Variants in ADGRB3 observed in about 807,000 individuals in gnomAD.
ADGRB3 encodes the protein adhesion G protein-coupled receptor B3.
ADGRB3 carries 37 observed loss-of-function variants against 193.4 expected under a neutral mutation model. That is an observed-to-expected ratio of 0.19 (90% CI 0.15 to 0.25). The LOEUF is 0.25. ADGRB3 is among the 10% of genes least tolerant of loss of function. ADGRB3 has a pLI of 1.00. For missense variants in ADGRB3, 1,637 were observed against 1,852.9 expected, an observed-to-expected ratio of 0.88 and a Z score of 2.14; for synonymous variants, 690 against 644.2, an observed-to-expected ratio of 1.07 and a Z score of -1.08.
chr6:69,094,227 G>C (rs985023713), intron 17 of ADGRB3, among the ~76,000 whole-genome samples: 2 of 152,164 alleles, frequency 1.3e-5, no homozygotes, highest in African/African-American at 4.8e-5. Context: ...CAGAGGGTCT[G>C]TACAACACCT....
chr6:68,765,710 A>G (rs1766496565), intron 3 of ADGRB3, among the ~76,000 whole-genome samples: 1 of 152,060 alleles, frequency 6.6e-6, no homozygotes, highest in Non-Finnish European at 1.5e-5. Flanking sequence ...CCCATGTGAT[A>G]CTATGCCTAG....
intron 21 of ADGRB3, among the ~76,000 whole-genome samples, chr6:69,326,854 TGAG>T (rs1768583977): frequency 6.6e-6 from 1 of 151,574 alleles, no homozygotes; most frequent in Non-Finnish European, 1.5e-5. Context: ...AGGATAAGGA[TGAG>T]GAGGGGACTA....
At chr6:69,336,788 C>T (rs1419201072) in intron 24 of ADGRB3, among the ~76,000 whole-genome samples, 1 of 151,974 alleles carries the variant, frequency 6.6e-6, no homozygotes, top group Non-Finnish European at 1.5e-5. Flanking sequence ...TTTTTCAATG[C>T]AGCAACTCAA....
chr6:69,106,974 A>C (rs1007341158), intron 17 of ADGRB3, among the ~76,000 whole-genome samples: 2 of 152,220 alleles, frequency 1.3e-5, no homozygotes, highest in Non-Finnish European at 2.9e-5. Flanking sequence ...CCGTTAGTTC[A>C]CTTGAATATA....
chr6:68,912,354 T>C, intron 3 of ADGRB3, among the ~76,000 whole-genome samples: 1 of 150,010 alleles, frequency 6.7e-6, no homozygotes, highest in South Asian at 2.1e-4. Flanking sequence ...TTTATTATTT[T>C]ATTTTATTTT....
intron 15 of ADGRB3, among the ~76,000 whole-genome samples, chr6:69,052,048 G>T (rs9363980): frequency 0.097 from 14,682 of 152,058 alleles, 1,613 homozygotes; most frequent in East Asian, 0.59. Context: ...CCACCACCAC[G>T]CCGGGCTAAT....
At chr6:69,073,381 T>G (rs972555792) in intron 16 of ADGRB3, among the ~76,000 whole-genome samples, 4 of 152,262 alleles carry the variant, frequency 2.6e-5, no homozygotes, top group African/African-American at 9.6e-5. Context: ...GTGCTGGTGA[T>G]GTTGTAGAAC....
rs1244391411 is a variant in ADGRB3, at chr6:69,048,301, C to A, written c.2224C>A (p.Pro742Thr). The part of the protein sequence containing the change: ...ARNSEDRVVI[P>T]KSIFTPVSSK... ...AAACTCAGAAGATAGGGTAGTAATT[C>A]CAAAAAGCATTTTCACTCCGGTGTC... The change falls in exon 14 of 32, where the codon CCA becomes ACA. Residue 742 changes from proline to threonine, a missense_variant. By Grantham distance (38) the Pro-to-Thr change is conservative. This residue lies in a region of ADGRB3 where 641 missense variants were observed against 673.9 expected (regional missense o/e 0.95). Transcript: ENST00000370598. 8 of 1,613,014 alleles carry A rather than the reference C, an allele frequency of 5.0e-6. No homozygotes were observed. Among genetic ancestry groups the A allele is most frequent in the Middle Eastern group, 1.6e-4 (1 of 6,076 alleles).
At chr6:68,708,305 A>G (rs1011630508) in intron 3 of ADGRB3, among the ~76,000 whole-genome samples, 10 of 152,318 alleles carry the variant, frequency 6.6e-5, no homozygotes, top group Admixed American at 2.0e-4. Context: ...AAAGGTTCAA[A>G]ATGTCCAGAA....
chr6:69,368,207 A>G (rs1014568044), intron 29 of ADGRB3, among the ~76,000 whole-genome samples: 4 of 152,164 alleles, frequency 2.6e-5, no homozygotes, highest in African/African-American at 9.6e-5. Context: ...CCGTCCATTC[A>G]TCCATAACTT....
At chr6:68,729,914 G>A (rs941121165) in intron 3 of ADGRB3, among the ~76,000 whole-genome samples, 8 of 151,226 alleles carry the variant, frequency 5.3e-5, no homozygotes, top group African/African-American at 1.9e-4. Flanking sequence ...TATGAGCTCT[G>A]GAGATACAAA....
At chr6:69,149,248 TCTGA>T (rs994821698) in intron 17 of ADGRB3, among the ~76,000 whole-genome samples, 21 of 152,158 alleles carry the variant, frequency 1.4e-4, no homozygotes, top group African/African-American at 4.8e-4. Context: ...TTTTATTTCC[TCTGA>T]CTGTGTATTT....
chr6:69,102,855 G>T (rs188081216), intron 17 of ADGRB3, among the ~76,000 whole-genome samples: 1 of 152,136 alleles, frequency 6.6e-6, no homozygotes, highest in East Asian at 1.9e-4. Flanking sequence ...TTATCACTAT[G>T]CAGCTATTTC....
chr6:69,127,550 G>A (rs762639332), intron 17 of ADGRB3, among the ~76,000 whole-genome samples: 3 of 151,988 alleles, frequency 2.0e-5, no homozygotes, highest in Non-Finnish European at 2.9e-5. Flanking sequence ...TTGACTTTTC[G>A]GTGTCTTGCT....
At chr6:69,154,626 C>A (rs539385035) in intron 17 of ADGRB3, among the ~76,000 whole-genome samples, 1 of 152,148 alleles carries the variant, frequency 6.6e-6, no homozygotes, top group Non-Finnish European at 1.5e-5. Flanking sequence ...CCCAGAGCAC[C>A]CTTTACCTCC....
intron 20 of ADGRB3, among the ~76,000 whole-genome samples, chr6:69,268,829 C>A (rs1459846324): frequency 6.6e-6 from 1 of 152,076 alleles, no homozygotes; most frequent in African/African-American, 2.4e-5. Context: ...GGTCTAGGGG[C>A]AGGACTGGTT....
chr6:69,210,510 T>A (rs1765641812), intron 17 of ADGRB3, among the ~76,000 whole-genome samples: 1 of 152,116 alleles, frequency 6.6e-6, no homozygotes, highest in Non-Finnish European at 1.5e-5. Flanking sequence ...GGATCACTAC[T>A]TTGTATTCTT....
intron 3 of ADGRB3, among the ~76,000 whole-genome samples, chr6:68,736,540 G>T (rs903454626): frequency 2.6e-5 from 4 of 152,128 alleles, no homozygotes; most frequent in African/African-American, 9.6e-5. Context: ...AGGACTTTGA[G>T]AAAAAGATCT....
chr6:69,075,440 A>C (rs945544054), intron 16 of ADGRB3, among the ~76,000 whole-genome samples: 2 of 152,212 alleles, frequency 1.3e-5, no homozygotes, highest in Non-Finnish European at 2.9e-5. Context: ...TAGCATTTTC[A>C]CTTAAAATTT....
Sources: gnomAD v4.1 joint callset for allele counts (sites outside exome capture counted in the v4.1 genomes callset) on GRCh38, gnomAD v4.1.1 for gene constraint, gnomAD v4.1.1 regional missense constraint, MANE v1.5 for transcripts, NCBI Gene and HGNC (gene_info 2026-07-23, HGNC 2026-07-21) for gene names.